The following OGFRL1 variants were observed in gnomAD, a reference collection of about 807,000 sequenced individuals.
OGFRL1 encodes the protein opioid growth factor receptor like 1, also known as opioid growth factor receptor-like protein 1.
Under a neutral mutation model 32.4 loss-of-function variants are expected in OGFRL1, and 26 were observed. That is an observed-to-expected ratio of 0.80 (90% CI 0.59 to 1.11). OGFRL1 has a LOEUF of 1.11. Ranked by LOEUF, OGFRL1 falls within the 50% of genes most tolerant of loss-of-function variation. The pLI, the probability that OGFRL1 is intolerant of heterozygous loss-of-function variation, is 0.00. For missense variants in OGFRL1, 521 were observed against 546.4 expected (o/e 0.95, Z 0.46); for synonymous variants, 211 against 201.2 (o/e 1.05, Z -0.41).
intron 6 of OGFRL1, among the ~76,000 whole-genome samples, chr6:71,298,825 C>T (rs1032821510): frequency 6.6e-6 from 1 of 152,162 alleles, no homozygotes; most frequent in African/African-American, 2.4e-5. Flanking sequence ...CTATTTTCTT[C>T]TTCAATTGGG....
Position 71,296,779 on chromosome 6 carries a change from G to T in OGFRL1, c.654G>T (p.Arg218=), listed in dbSNP as rs560452147. 3.1e-6 allele frequency: 5 copies of T among 1,613,328 alleles called. 1 individual carries two copies. The South Asian group carries it at 5.5e-5, about 18-fold the overall frequency. The change falls in exon 6 of 7, where the codon CGG becomes CGT. Residue 218 remains arginine, a synonymous_variant. Transcript: ENST00000370435. ...KLTDKTGNVA[R]AVNWQERFQH... ...CTGATAAAACTGGAAATGTTGCTCG[G>T]GCTGTTAACTGGCAGGAAAGATTTC...
In OGFRL1 at chr6:71,296,394, T is replaced by C. The variant is rs751558007; in HGVS notation, c.478T>C (p.Trp160Arg). Reference protein sequence around the residue: ...KLEHNHTYIQWLFPLREQGLN... With the variant: ...KLEHNHTYIQRLFPLREQGLN... ...GGAGCACAACCACACTTACATTCAA[T>C]GGTCAGTTACATATTATCTATCTTG... is the stretch of plus-strand genomic sequence containing the variant. Residue 160 changes from tryptophan (W) to arginine (R), a missense_variant and splice_region_variant, in exon 4 of 7, where the codon TGG becomes CGG. Trp to Arg is a moderately radical substitution (Grantham distance 101). Transcript: ENST00000370435. 3.7e-6 allele frequency: 6 copies of C among 1,610,454 alleles called. No homozygotes were observed. The highest frequency in any genetic ancestry group is 5.1e-6 in the Non-Finnish European group (6 of 1,177,302).
Position 71,308,841 on chromosome 6 carries a change from C to T in OGFRL1, c.*6792C>T, listed in dbSNP as rs1766633062. 2 of 152,090 alleles carry T rather than the reference C, an allele frequency of 1.3e-5. No individual in the cohort carries two copies. The highest frequency in any genetic ancestry group is 4.1e-4 in the South Asian group (2 of 4,822). 9.4% of individuals were successfully genotyped at this position (152,090 alleles called of 1,614,324 possible). A position where few individuals can be genotyped will look rare whatever the true frequency, so the allele number is the denominator to read the frequency against. ...TTAAGAACTATTGCCAAATATACAT[C>T]CTGTAAAACTAATAAAAGCCACTCC... On this transcript the variant is annotated 3_prime_UTR_variant, in exon 7 of 7. Coordinates refer to ENST00000370435, the MANE Select transcript of OGFRL1 (RefSeq NM_024576.5).
rs559089713 is a variant in OGFRL1 at position 71,301,419 on chromosome 6, T to A, written c.726T>A (p.Ile242=). The A allele has an allele frequency of 1.1e-4, 177 of 1,599,186 alleles. No homozygotes were observed. The South Asian group carries it at 1.9e-3, about 17-fold the overall frequency. The change falls in exon 7 of 7, where the codon ATT becomes ATA. Residue 242 remains isoleucine (I), a synonymous_variant. Coordinates refer to ENST00000370435, the MANE Select transcript of OGFRL1 (RefSeq NM_024576.5). ...ACAACTATTTAAGAATCACTCGTAT[T>A]CTTAAAAGCCTTGGTGAGCTTGGAT... The part of the protein sequence containing the change: ...SQHNYLRITR[I]LKSLGELGYE...
chr6:71,294,346 C>T (rs1471233589), intron 3 of OGFRL1, among the ~76,000 whole-genome samples: 1 of 152,172 alleles, frequency 6.6e-6, no homozygotes, highest in Non-Finnish European at 1.5e-5. Flanking sequence ...GCTTCTCTCC[C>T]AAGAGCCCTT....
intron 6 of OGFRL1, among the ~76,000 whole-genome samples, chr6:71,299,490 A>T (rs1264828114): frequency 6.6e-6 from 1 of 152,186 alleles, no homozygotes; most frequent in African/African-American, 2.4e-5. Context: ...TAGATATAGT[A>T]AATGTGTACA....
At chr6:71,290,060 C>T (rs1766000754) in intron 1 of OGFRL1, among the ~76,000 whole-genome samples, 1 of 152,136 alleles carries the variant, frequency 6.6e-6, no homozygotes, top group Non-Finnish European at 1.5e-5. Context: ...GCTAACACCG[C>T]CTCAGCCATC....
intron 1 of OGFRL1, among the ~76,000 whole-genome samples, chr6:71,290,370 T>C (rs1326779465): frequency 6.6e-6 from 1 of 152,218 alleles, no homozygotes; most frequent in Non-Finnish European, 1.5e-5. Flanking sequence ...GCTAATTCAA[T>C]CTTATTAAAT....
chr6:71,294,392 C>A (rs1365818903), intron 3 of OGFRL1, among the ~76,000 whole-genome samples: 1 of 152,160 alleles, frequency 6.6e-6, no homozygotes, highest in Non-Finnish European at 1.5e-5. Flanking sequence ...CTGGCTTCTG[C>A]TATTTGCTCT....
rs1766205833 is a variant in OGFRL1 at position 71,296,318 on chromosome 6, T to A, written c.402T>A (p.Gly134=). Residue 134 remains glycine, a splice_region_variant and synonymous_variant, in exon 4 of 7, where the codon GGT becomes GGA. Transcript: ENST00000370435. ...CATTTTTAAATATTTACTATTTAGGTGTTTACATTGAAGAAGTTCTAAGTA... is the reference window on the plus strand; with the variant it reads ...CATTTTTAAATATTTACTATTTAGGAGTTTACATTGAAGAAGTTCTAAGTA... ...YKNKIPFKPD[G]VYIEEVLSKW... 6.4e-7 allele frequency: 1 copy of A among 1,574,322 alleles called. No homozygotes were observed. Among genetic ancestry groups the A allele is most frequent in the African/African-American group, 1.4e-5 (1 of 74,016 alleles).
intron 6 of OGFRL1, among the ~76,000 whole-genome samples, chr6:71,299,904 G>A (rs935545743): frequency 1.3e-5 from 2 of 152,178 alleles, no homozygotes; most frequent in Admixed American, 6.5e-5. Flanking sequence ...CCAGAAAGAT[G>A]AAGATGATGA....
At chr6:71,289,527 C>G (rs1030538864) in intron 1 of OGFRL1, 49 of 751,038 alleles carry the variant, frequency 6.5e-5, no homozygotes, top group Non-Finnish European at 7.7e-5. Flanking sequence ...TTTTGACAAC[C>G]CCTCTAGTGT....
chr6:71,289,506 A>T, intron 1 of OGFRL1: 1 of 983,362 alleles, frequency 1.0e-6, no homozygotes, highest in Non-Finnish European at 1.2e-6. Context: ...AACCTGTCTA[A>T]AAATAGAGGA....
In OGFRL1 at chr6:71,303,724, A is replaced by G. The variant is rs1766467257; in HGVS notation, c.*1675A>G. ...AAGTTATCAAACTTCAAAATTGAGA[A>G]CAAATTTAAAAGTCCATATATGCAA... On this transcript the variant is annotated 3_prime_UTR_variant, in exon 7 of 7. Coordinates refer to ENST00000370435, the MANE Select transcript of OGFRL1 (RefSeq NM_024576.5). 1 of 152,186 alleles carries G rather than the reference A, an allele frequency of 6.6e-6. No individual in the cohort carries two copies. The highest frequency in any genetic ancestry group is 2.1e-4 in the South Asian group (1 of 4,828). 9.4% of individuals were successfully genotyped at this position (152,186 alleles called of 1,614,324 possible). A position where few individuals can be genotyped will look rare whatever the true frequency, so the allele number is the denominator to read the frequency against.
intron 6 of OGFRL1, among the ~76,000 whole-genome samples, chr6:71,298,358 A>G (rs1766278850): frequency 6.6e-6 from 1 of 152,158 alleles, no homozygotes; most frequent in South Asian, 2.1e-4. Flanking sequence ...AAATCTTTTG[A>G]AAGGATTTGA....
At chr6:71,297,898 A>G (rs1271427147) in intron 6 of OGFRL1, among the ~76,000 whole-genome samples, 2 of 150,938 alleles carry the variant, frequency 1.3e-5, no homozygotes, top group East Asian at 3.9e-4. Context: ...GGTGTGCTGC[A>G]CCTATTTACT....
intron 1 of OGFRL1, among the ~76,000 whole-genome samples, chr6:71,289,964 G>GC (rs1482127899): frequency 6.6e-6 from 1 of 152,150 alleles, no homozygotes; most frequent in Non-Finnish European, 1.5e-5. Flanking sequence ...CTCTTTATCA[G>GC]CTAGGGGCGA....
Position 71,304,873 on chromosome 6 carries a change from G to A in OGFRL1, c.*2824G>A, listed in dbSNP as rs1766500255. On this transcript the variant is annotated 3_prime_UTR_variant, in exon 7 of 7. Transcript: ENST00000370435. ...ATCATTCAGTGGAGAACAAGTAAAAGGATATCATTCCTTTTGGAGATAAAC... is the reference window on the plus strand; with the variant it reads ...ATCATTCAGTGGAGAACAAGTAAAAAGATATCATTCCTTTTGGAGATAAAC... 1 of 151,882 alleles carries A rather than the reference G, an allele frequency of 6.6e-6. No homozygotes were observed. The highest frequency in any genetic ancestry group is 1.5e-5 in the Non-Finnish European group (1 of 67,872). The allele number at this position is 151,882 out of a possible 1,614,324, so 9.4% of individuals were successfully genotyped here. A position where few individuals can be genotyped will look rare whatever the true frequency, so the allele number is the denominator to read the frequency against.
chr6:71,289,902 G>A, intron 1 of OGFRL1: 1 of 818,570 alleles, frequency 1.2e-6, no homozygotes, highest in Non-Finnish European at 1.5e-6. Context: ...ACCCCCTGAA[G>A]AAGTGTGCAT....
Sources: gnomAD v4.1 joint callset for allele counts (sites outside exome capture counted in the v4.1 genomes callset) on GRCh38, gnomAD v4.1.1 for gene constraint, MANE v1.5 for transcripts, NCBI Gene and HGNC (gene_info 2026-07-23, HGNC 2026-07-21) for gene names.